RPS6KA2: variants seen among roughly 807,000 people sequenced by gnomAD.
RPS6KA2 encodes ribosomal protein S6 kinase A2, also known as ribosomal protein S6 kinase alpha-2.
RPS6KA2 carries 42 observed loss-of-function variants against 91.8 expected under a neutral mutation model. The observed-to-expected ratio is 0.46, with a 90% CI of 0.36 to 0.59. RPS6KA2 has a LOEUF of 0.59. Ranked by LOEUF, RPS6KA2 falls within the 20% of genes least tolerant of loss-of-function variation. The pLI is 0.00. For missense variants in RPS6KA2, 798 were observed against 978.5 expected (o/e 0.82, Z 2.46); for synonymous variants, 414 against 393.6 (o/e 1.05, Z -0.61).
Position 166,459,930 on chromosome 6 carries a change from C to T in RPS6KA2, c.973-379G>A, listed in dbSNP as rs184426842. On this transcript the variant is annotated intron_variant, in intron 11 of 20. Transcript: ENST00000265678. This position sits in a 1 kb window ranked among gnomAD's most constrained non-coding sequence, Gnocchi z 4.9. ...ATACAGGACAGCCACCACTTGCCCC[C>T]ACTGGGGACAGCAGTGAAGAGGCCG... Among the ~76,000 whole-genome samples the T allele has an allele frequency of 1.3e-5, 2 of 152,192 alleles. No homozygotes were observed. The highest frequency in any genetic ancestry group is 1.3e-4 in the Admixed American group (2 of 15,288).
At chr6:166,443,328 T>C (rs1415003928) in intron 14 of RPS6KA2, among the ~76,000 whole-genome samples, 2 of 152,194 alleles carry the variant, frequency 1.3e-5, no homozygotes, top group African/African-American at 4.8e-5. Context: ...AACTTTTGTT[T>C]TTTTTGGTCA....
At chr6:166,804,900 C>T in intron 2 of RPS6KA2, among the ~76,000 whole-genome samples, 1 of 152,142 alleles carries the variant, frequency 6.6e-6, no homozygotes, top group East Asian at 1.9e-4. Context: ...TTAATAGAGG[C>T]ATCTCAAAAG....
At chr6:166,606,383 T>C (rs1583320379) in intron 1 of RPS6KA2, among the ~76,000 whole-genome samples, 1 of 152,242 alleles carries the variant, frequency 6.6e-6, no homozygotes, top group East Asian at 1.9e-4. Context: ...GCATGGTGAA[T>C]TTAATTCTGC....
intron 19 of RPS6KA2, among the ~76,000 whole-genome samples, chr6:166,415,887 ATCACCTCCACAATCATCCTCACCG>A: frequency 6.9e-6 from 1 of 145,926 alleles, no homozygotes; most frequent in Admixed American, 6.8e-5. Context: ...AATCTTCACC[ATCACCTCCACAATCATCCTCACCG>A]TCCTTCCTCC....
chr6:166,514,101 A>C (rs918286081), intron 3 of RPS6KA2, among the ~76,000 whole-genome samples: 1 of 152,180 alleles, frequency 6.6e-6, no homozygotes, highest in Non-Finnish European at 1.5e-5. Context: ...GAGCAAAGGT[A>C]GGCTCGGTCT....
chr6:166,605,220 C>G (rs556200533), intron 1 of RPS6KA2, among the ~76,000 whole-genome samples: 7 of 152,206 alleles, frequency 4.6e-5, no homozygotes, highest in Non-Finnish European at 1.0e-4. Context: ...ATTTTATCAA[C>G]GACATTCTAC....
chr6:166,705,992 C>T (rs568035261), intron 2 of RPS6KA2, among the ~76,000 whole-genome samples: 159 of 152,284 alleles, frequency 1.0e-3, no homozygotes, highest in Middle Eastern at 6.8e-3. Context: ...CCTTCCACCA[C>T]GTGAGGACTT....
chr6:166,739,541 G>A (rs1024293458), intron 2 of RPS6KA2, among the ~76,000 whole-genome samples: 1 of 152,224 alleles, frequency 6.6e-6, no homozygotes, highest in Non-Finnish European at 1.5e-5. Context: ...TTCACTGGGA[G>A]CTTTTGCTCA....
intron 2 of RPS6KA2, among the ~76,000 whole-genome samples, chr6:166,836,682 A>G (rs1780325427): frequency 6.6e-6 from 1 of 152,128 alleles, no homozygotes; most frequent in African/African-American, 2.4e-5. Flanking sequence ...TATTTATTAT[A>G]GTTACTTTCA....
intron 5 of RPS6KA2, among the ~76,000 whole-genome samples, chr6:166,507,789 CCA>C (rs1439200959): frequency 6.6e-6 from 1 of 151,106 alleles, no homozygotes; most frequent in African/African-American, 2.4e-5. Context: ...CACACACATA[CCA>C]CACACTTATC....
intron 2 of RPS6KA2, among the ~76,000 whole-genome samples, chr6:166,640,401 A>C (rs1382144629): frequency 1.3e-5 from 2 of 152,224 alleles, no homozygotes; most frequent in East Asian, 3.9e-4. Context: ...GAACACGTAA[A>C]AGCCAGACAG....
chr6:166,627,699 C>T (rs892334955), upstream of RPS6KA2: 1 of 152,246 alleles, frequency 6.6e-6, no homozygotes, highest in Admixed American at 6.5e-5. Flanking sequence ...TCCGGAGCCG[C>T]GCAGTCGCGG....
At chr6:166,712,532 A>G (rs1016523380) in intron 2 of RPS6KA2, among the ~76,000 whole-genome samples, 14 of 152,200 alleles carry the variant, frequency 9.2e-5, no homozygotes, top group African/African-American at 2.7e-4. Flanking sequence ...GGTTCTTGCT[A>G]TAACTCAGTA....
intron 10 of RPS6KA2, among the ~76,000 whole-genome samples, chr6:166,473,566 T>C (rs1409253333): frequency 6.6e-6 from 1 of 152,236 alleles, no homozygotes; most frequent in African/African-American, 2.4e-5. Context: ...ATTCATTTCA[T>C]TGTGGGGATT....
intron 1 of RPS6KA2, among the ~76,000 whole-genome samples, chr6:166,549,686 T>C (rs1358238951): frequency 6.6e-6 from 1 of 151,944 alleles, no homozygotes; most frequent in African/African-American, 2.4e-5. Context: ...AAGGGTACCA[T>C]GGGGGATATC....
chr6:166,451,867 T>C (rs1220336213), intron 12 of RPS6KA2, among the ~76,000 whole-genome samples: 2 of 152,216 alleles, frequency 1.3e-5, no homozygotes, highest in Non-Finnish European at 2.9e-5. Context: ...GTGAGATTGA[T>C]CCCATTTCAA....
At chr6:166,685,051 A>G (rs370230674) in intron 2 of RPS6KA2, among the ~76,000 whole-genome samples, 71 of 152,372 alleles carry the variant, frequency 4.7e-4, no homozygotes, top group African/African-American at 1.7e-3. Flanking sequence ...GAGCCCTGCA[A>G]GGGCCAACCG....
intron 11 of RPS6KA2, among the ~76,000 whole-genome samples, chr6:166,463,858 G>A (rs559555689): frequency 5.9e-5 from 9 of 152,300 alleles, no homozygotes; most frequent in African/African-American, 1.7e-4. Context: ...TTTTCAAAGC[G>A]TCACGATGGG....
chr6:166,634,717 T>G (rs771197120), intron 2 of RPS6KA2, among the ~76,000 whole-genome samples: 10 of 152,178 alleles, frequency 6.6e-5, no homozygotes, highest in South Asian at 2.1e-4. Flanking sequence ...CTCCTCCTCC[T>G]GTGATTGTTG....
Sources: allele counts gnomAD v4.1 joint callset (sites outside exome capture counted in the v4.1 genomes callset), GRCh38; gene constraint gnomAD v4.1.1; non-coding constraint Gnocchi (gnomAD v3.1); transcripts MANE v1.5; gene names NCBI Gene and HGNC (gene_info 2026-07-23, HGNC 2026-07-21).